GRM3: variants seen among roughly 807,000 people sequenced by gnomAD.
GRM3 encodes the protein metabotropic glutamate receptor 3.
GRM3 carries 26 observed loss-of-function variants against 70.5 expected under a neutral mutation model. The observed-to-expected ratio is 0.37, with a 90% CI of 0.27 to 0.51. The LOEUF (loss-of-function observed/expected upper bound fraction) is 0.51, where lower values mean the gene tolerates loss of function less well. GRM3 is among the 20% of genes least tolerant of loss of function. GRM3 has a pLI of 0.93. For missense variants in GRM3, 859 were observed against 1,123.8 expected (o/e 0.76, Z 3.37); for synonymous variants, 443 against 434.9 (o/e 1.02, Z -0.23).
chr7:86,768,721 G>C (rs1439397522), intron 2 of GRM3, among the ~76,000 whole-genome samples: 1 of 152,062 alleles, frequency 6.6e-6, no homozygotes, highest in South Asian at 2.1e-4. Context: ...GAATAAGAAG[G>C]AACAAGAGAG....
At chr7:86,769,695 G>T (rs574628999) in intron 2 of GRM3, among the ~76,000 whole-genome samples, 5 of 152,226 alleles carry the variant, frequency 3.3e-5, no homozygotes, top group African/African-American at 7.2e-5. Flanking sequence ...GACTTGCTGG[G>T]TTAAGCTGTA....
intron 3 of GRM3, among the ~76,000 whole-genome samples, chr7:86,811,352 C>A (rs1218503584): frequency 1.3e-5 from 2 of 151,716 alleles, no homozygotes; most frequent in Non-Finnish European, 2.9e-5. Flanking sequence ...TTTAGACCAG[C>A]CCTAAAAGAA....
chr7:86,744,419 A>G (rs746476883), intron 1 of GRM3, among the ~76,000 whole-genome samples: 1 of 151,796 alleles, frequency 6.6e-6, no homozygotes, highest in Non-Finnish European at 1.5e-5. Context: ...GCAGAGGGCT[A>G]TCTTACAGAT....
intron 1 of GRM3, among the ~76,000 whole-genome samples, chr7:86,752,351 C>T (rs1044378339): frequency 3.3e-5 from 5 of 151,988 alleles, no homozygotes; most frequent in Non-Finnish European, 5.9e-5. Context: ...TAATTTTATG[C>T]CCATAATTTG....
chr7:86,823,448 C>T (rs1798166065), intron 3 of GRM3, among the ~76,000 whole-genome samples: 1 of 152,036 alleles, frequency 6.6e-6, no homozygotes, highest in South Asian at 2.1e-4. Flanking sequence ...AATTTGAATG[C>T]TGCCACTAAA....
intron 1 of GRM3, among the ~76,000 whole-genome samples, chr7:86,676,728 G>A (rs1794317295): frequency 6.6e-6 from 1 of 151,828 alleles, no homozygotes; most frequent in Admixed American, 6.6e-5. Context: ...AAGCATAAAG[G>A]AAAAGAAACA....
intron 1 of GRM3, among the ~76,000 whole-genome samples, chr7:86,669,462 GA>G (rs1249775544): frequency 2.0e-5 from 3 of 152,188 alleles, no homozygotes; most frequent in African/African-American, 7.2e-5. Flanking sequence ...CCAGATTTAA[GA>G]CTGGAAAATC....
Position 86,839,847 on chromosome 7 carries a change from C to T in GRM3, c.2333C>T (p.Thr778Met), listed in dbSNP as rs374569530. 2.5e-6 allele frequency: 4 copies of T among 1,613,620 alleles called. No homozygotes were observed. The highest frequency in any genetic ancestry group is 2.2e-5 in the East Asian group (1 of 44,888). The change falls in exon 4 of 6, where the codon ACG becomes ATG. Residue 778 changes from threonine (T) to methionine (M), a missense_variant. Thr to Met is a moderately conservative substitution (Grantham distance 81). Transcript: ENST00000361669. The surrounding 1 kb of genome is among the most constrained non-coding windows in gnomAD (Gnocchi z 4.5). ...TTCATAGGTTTTACCATGTACACCACGTGCATCATCTGGTTGGCCTTCCTC... is the reference window on the plus strand; with the variant it reads ...TTCATAGGTTTTACCATGTACACCATGTGCATCATCTGGTTGGCCTTCCTC... ...AKFIGFTMYT[T>M]CIIWLAFLPI...
At position 86,644,283 on chromosome 7, in the gene GRM3, G is replaced by T. The variant is rs1243333570; in HGVS notation, c.-730G>T. 4.0e-6 allele frequency: 1 copy of T among 248,526 alleles called. No homozygotes were observed. The highest frequency in any genetic ancestry group is 7.9e-6 in the Non-Finnish European group (1 of 126,166). 15.4% of individuals were successfully genotyped at this position (248,526 alleles called of 1,614,324 possible). A position where few individuals can be genotyped will look rare whatever the true frequency, so the allele number is the denominator to read the frequency against. On this transcript the variant is annotated 5_prime_UTR_variant, in exon 1 of 6. Transcript: ENST00000361669. The stretch of plus-strand genomic sequence containing the variant: ...ACCCTGGCTCACTGAAGACTCTGCA[G>T]ATATACCCTTATAAGAGGGAGGGTG...
intron 3 of GRM3, among the ~76,000 whole-genome samples, chr7:86,808,056 T>C (rs1797832664): frequency 1.3e-5 from 2 of 152,182 alleles, no homozygotes; most frequent in African/African-American, 4.8e-5. Context: ...TTTATTGATT[T>C]GTGTATGTTG....
chr7:86,716,014 G>T (rs954615937), intron 1 of GRM3, among the ~76,000 whole-genome samples: 1 of 151,950 alleles, frequency 6.6e-6, no homozygotes, highest in Non-Finnish European at 1.5e-5. Context: ...AACCACCTAC[G>T]TGGTACTTTT....
At chr7:86,771,004 A>G (rs570004724) in intron 2 of GRM3, among the ~76,000 whole-genome samples, 1 of 152,116 alleles carries the variant, frequency 6.6e-6, no homozygotes, top group Non-Finnish European at 1.5e-5. Flanking sequence ...GTTTCCATAC[A>G]TTGGCAAGTT....
chr7:86,711,778 T>G (rs1176545619), intron 1 of GRM3, among the ~76,000 whole-genome samples: 2 of 152,068 alleles, frequency 1.3e-5, no homozygotes, highest in African/African-American at 4.8e-5. Flanking sequence ...TCCACCTACC[T>G]CCATTACACA....
chr7:86,836,220 G>T (rs1798453902), intron 3 of GRM3, among the ~76,000 whole-genome samples: 2 of 151,956 alleles, frequency 1.3e-5, no homozygotes, highest in African/African-American at 4.8e-5. Context: ...AGCTTTCCTT[G>T]GCAAGCCAGT....
chr7:86,768,449 C>G (rs1796658862), intron 2 of GRM3, among the ~76,000 whole-genome samples: 1 of 152,174 alleles, frequency 6.6e-6, no homozygotes, highest in Non-Finnish European at 1.5e-5. Flanking sequence ...TCATATAGAA[C>G]ACAGCCCTGA....
chr7:86,736,876 C>A (rs1454647011), intron 1 of GRM3, among the ~76,000 whole-genome samples: 2 of 152,146 alleles, frequency 1.3e-5, no homozygotes, highest in Non-Finnish European at 2.9e-5. Context: ...TGCTCTCTTT[C>A]ATAAACTAAA....
chr7:86,804,424 C>A (rs1797745553), intron 3 of GRM3, among the ~76,000 whole-genome samples: 1 of 152,038 alleles, frequency 6.6e-6, no homozygotes, highest in Non-Finnish European at 1.5e-5. Context: ...ATTTTTATTT[C>A]TTGAGATGGA....
At chr7:86,738,297 A>G (rs1250780059) in intron 1 of GRM3, among the ~76,000 whole-genome samples, 1 of 152,192 alleles carries the variant, frequency 6.6e-6, no homozygotes, top group Non-Finnish European at 1.5e-5. Flanking sequence ...ATGGCTCAGC[A>G]AGTAAAAAGT....
chr7:86,645,016 G>A (rs981937506), intron 1 of GRM3, 144 bp downstream of exon 1: 3 of 375,736 alleles, frequency 8.0e-6, no homozygotes, highest in African/African-American at 6.4e-5. Flanking sequence ...GAGTGGGAAG[G>A]GTGGAGGGCA....
Sources: allele counts gnomAD v4.1 joint callset (sites outside exome capture counted in the v4.1 genomes callset), GRCh38; gene constraint gnomAD v4.1.1; non-coding constraint Gnocchi (gnomAD v3.1); transcripts MANE v1.5; gene names NCBI Gene and HGNC (gene_info 2026-07-23, HGNC 2026-07-21).